The following TSPAN18 variants were observed in gnomAD, a reference collection of about 807,000 sequenced individuals.
The protein encoded by TSPAN18 is tetraspanin 18, also known as tetraspanin-18.
A neutral mutation model predicts 27.3 loss-of-function variants in TSPAN18; 14 were observed. That is an observed-to-expected ratio of 0.51 (90% CI 0.34 to 0.80). The LOEUF is 0.80. Ranked by LOEUF, TSPAN18 falls within the 30% of genes least tolerant of loss-of-function variation. The pLI, the probability that TSPAN18 is intolerant of heterozygous loss-of-function variation, is 0.01. For synonymous variants in TSPAN18, 143 were observed against 136.5 expected, an observed-to-expected ratio of 1.05 and a Z score of -0.33; for missense variants, 268 against 323.9, an observed-to-expected ratio of 0.83 and a Z score of 1.32.
intron 3 of TSPAN18, among the ~76,000 whole-genome samples, chr11:44,898,993 T>A (rs1207116824): frequency 2.0e-5 from 3 of 152,194 alleles, no homozygotes; most frequent in Admixed American, 1.3e-4. Flanking sequence ...GACCTTCCCA[T>A]GGCCAGATGA....
upstream of TSPAN18, chr11:44,726,757 AC>A: frequency 6.6e-6 from 1 of 150,782 alleles, no homozygotes; most frequent in Non-Finnish European, 1.5e-5. Flanking sequence ...GGGCCCAGGG[AC>A]CCCCAGACAA....
At chr11:44,874,177 G>A (rs1858268390) in intron 3 of TSPAN18, among the ~76,000 whole-genome samples, 1 of 152,204 alleles carries the variant, frequency 6.6e-6, no homozygotes, top group South Asian at 2.1e-4. Flanking sequence ...TTCCTCATCT[G>A]TAAAAAGGAG....
intron 2 of TSPAN18, among the ~76,000 whole-genome samples, chr11:44,815,935 C>T (rs895690976): frequency 3.3e-5 from 5 of 152,138 alleles, no homozygotes; most frequent in African/African-American, 7.2e-5. Flanking sequence ...TGGAGTCTCA[C>T]GGAGCCTTCT....
chr11:44,794,224 C>T (rs1461869370), intron 2 of TSPAN18, among the ~76,000 whole-genome samples: 1 of 152,184 alleles, frequency 6.6e-6, no homozygotes, highest in East Asian at 1.9e-4. Flanking sequence ...GCCCTCTAGC[C>T]TTTACCAGGT....
chr11:44,897,619 T>C (rs1474135298), intron 3 of TSPAN18: 2 of 469,008 alleles, frequency 4.3e-6, no homozygotes, highest in African/African-American at 4.0e-5. Context: ...TGAGCTCTAA[T>C]GGGCCCAGAT....
chr11:44,784,391 C>G (rs1856008141), intron 2 of TSPAN18, among the ~76,000 whole-genome samples: 1 of 152,152 alleles, frequency 6.6e-6, no homozygotes, highest in African/African-American at 2.4e-5. Flanking sequence ...CATGGTCTTG[C>G]TTTTACTCTT....
intron 2 of TSPAN18, among the ~76,000 whole-genome samples, chr11:44,793,133 G>A (rs1856268764): frequency 6.6e-6 from 1 of 152,182 alleles, no homozygotes. Context: ...CCACCTCCTG[G>A]GTTAAAGTGA....
At chr11:44,846,606 T>TGTGTGTGTG (rs576341145) in intron 2 of TSPAN18, among the ~76,000 whole-genome samples, 9,077 of 151,158 alleles carry the variant, frequency 0.06, 300 homozygotes, top group African/African-American at 0.093. Context: ...GTGTGTGTGT[T>TGTGTGTGTG]TGTGTGTGTG....
At chr11:44,728,368 T>G (rs186816783) in intron 1 of TSPAN18, among the ~76,000 whole-genome samples, 3 of 152,240 alleles carry the variant, frequency 2.0e-5, no homozygotes, top group African/African-American at 7.2e-5. Context: ...TTTTTGACGG[T>G]TTTTGGAGTT....
Position 44,926,759 on chromosome 11 carries a change from T to C in TSPAN18, c.699+2T>C. 6.2e-7 allele frequency: 1 copy of C among 1,613,974 alleles called. No individual in the cohort carries two copies. Among genetic ancestry groups the C allele is most frequent in the Non-Finnish European group, 8.5e-7 (1 of 1,179,936 alleles). ...GCCATCGGGGTACTGGCCATCGAGG[T>C]AAGTAAAGGCCCCCACTTCTGCCGC... On this transcript the variant is annotated splice_donor_variant, in intron 9 of 9. Transcript: ENST00000520358. LOFTEE classifies it high-confidence loss of function.
chr11:44,907,500 C>A (rs1859496967), intron 4 of TSPAN18, among the ~76,000 whole-genome samples: 1 of 152,162 alleles, frequency 6.6e-6, no homozygotes, highest in Non-Finnish European at 1.5e-5. Context: ...ATATACACTT[C>A]AGCAACTCTC....
intron 1 of TSPAN18, among the ~76,000 whole-genome samples, chr11:44,759,810 G>A (rs1701022152): frequency 6.6e-6 from 1 of 152,188 alleles, no homozygotes; most frequent in Non-Finnish European, 1.5e-5. Context: ...TCATAGTCTG[G>A]TAGGTGGGAA....
In TSPAN18 at chr11:44,784,455, T is replaced by C. The variant is rs1290652118; in HGVS notation, c.-153+19943T>C. ...ACCTCTCCACAAAGGCCATAGATGT[T>C]GAGAATGTATTCAGGCATGAATGCC... On this transcript the variant is annotated intron_variant, in intron 2 of 9. Transcript: ENST00000520358. 3.3e-5 allele frequency among the ~76,000 whole-genome samples: 5 copies of C among 152,210 alleles called. 1 individual carries two copies. The highest frequency in any genetic ancestry group is 7.3e-5 in the Non-Finnish European group (5 of 68,038).
At chr11:44,897,112 A>G (rs992513460) in intron 3 of TSPAN18, among the ~76,000 whole-genome samples, 1 of 152,000 alleles carries the variant, frequency 6.6e-6, no homozygotes, top group Non-Finnish European at 1.5e-5. Flanking sequence ...ACTGTCCTCT[A>G]ACCCAAAGTT....
At chr11:44,738,633 C>A (rs1048616439) in intron 1 of TSPAN18, among the ~76,000 whole-genome samples, 3 of 152,150 alleles carry the variant, frequency 2.0e-5, no homozygotes, top group Non-Finnish European at 4.4e-5. Flanking sequence ...CTCACCGTGT[C>A]CTCGCACAGC....
chr11:44,751,708 C>G (rs57164734), intron 1 of TSPAN18, among the ~76,000 whole-genome samples: 17,338 of 151,996 alleles, frequency 0.11, 1,229 homozygotes, highest in African/African-American at 0.19. Context: ...GTTGAGGTCA[C>G]TTGAGGTCAG....
intron 6 of TSPAN18, 107 bp downstream of exon 6, chr11:44,918,153 C>T: frequency 8.5e-7 from 1 of 1,181,810 alleles, no homozygotes; most frequent in South Asian, 1.3e-5. Flanking sequence ...GAGTGGGCAG[C>T]CTCTCATCTG....
At chr11:44,777,753 C>T (rs1049742333) in intron 2 of TSPAN18, among the ~76,000 whole-genome samples, 2 of 152,216 alleles carry the variant, frequency 1.3e-5, no homozygotes, top group African/African-American at 2.4e-5. Flanking sequence ...ACCTCCCCCC[C>T]TTTTCTTTCT....
At chr11:44,901,620 G>A (rs943937704) in intron 3 of TSPAN18, among the ~76,000 whole-genome samples, 1 of 152,262 alleles carries the variant, frequency 6.6e-6, no homozygotes, top group Non-Finnish European at 1.5e-5. Context: ...AGAAGGCACT[G>A]AGGCCAGAGA....
Sources: allele counts gnomAD v4.1 joint callset (sites outside exome capture counted in the v4.1 genomes callset), GRCh38; gene constraint gnomAD v4.1.1; transcripts MANE v1.5; gene names NCBI Gene and HGNC (gene_info 2026-07-23, HGNC 2026-07-21).